The following SLC19A2 variants were observed in gnomAD, a reference collection of about 807,000 sequenced individuals.
SLC19A2 encodes solute carrier family 19 member 2, also known as thiamine transporter 1.
Under a neutral mutation model 44.7 loss-of-function variants are expected in SLC19A2, and 27 were observed. The ratio of observed to expected loss-of-function variants is 0.60; its 90% CI spans 0.45 to 0.83. The LOEUF is 0.83. Among genes scored for constraint, SLC19A2 ranks in the 40% least tolerant of loss-of-function variants. SLC19A2 has a pLI of 0.00. For synonymous variants in SLC19A2, 239 were observed against 243.6 expected, an observed-to-expected ratio of 0.98 and a Z score of 0.18; for missense variants, 566 against 613.7, an observed-to-expected ratio of 0.92 and a Z score of 0.82.
rs140548510 is a variant in SLC19A2 at position 169,471,675 on chromosome 1, CGT to C, written c.808-1491_808-1490del. Among the ~76,000 whole-genome samples, 40 of 131,930 alleles carry C rather than the reference CGT, an allele frequency of 3.0e-4. 1 individual carries two copies. Among genetic ancestry groups the C allele is most frequent in the East Asian group, 9.5e-4 (4 of 4,216 alleles). The allele number at this position is 131,930 out of a possible 152,430, so 86.6% of individuals were successfully genotyped here. A position where few individuals can be genotyped will look rare whatever the true frequency, so the allele number is the denominator to read the frequency against. ...GACAGACTCTGTCTCAAAAAACAAA[CGT>C]GTGTGTGTGTGTGTGTGTGTGTATA... On this transcript the variant is annotated intron_variant, in intron 2 of 5. Coordinates refer to ENST00000236137, the MANE Select transcript of SLC19A2 (RefSeq NM_006996.3).
Position 169,485,636 on chromosome 1 carries a change from G to A in SLC19A2, c.131C>T (p.Ala44Val). 6 of 1,561,662 alleles carry A rather than the reference G, an allele frequency of 3.8e-6. No individual in the cohort carries two copies. Among genetic ancestry groups the A allele is most frequent in the Non-Finnish European group, 5.2e-6 (6 of 1,153,436 alleles). Residue 44 changes from alanine (A) to valine (V), a missense_variant, in exon 1 of 6, where the codon GCC becomes GTC. Transcript: ENST00000236137. ...TALLCAYGFF[A>V]SLRPSEPFLT... ...GAAGGGCTCGGACGGCCTGAGGCTG[G>A]CGAAGAAGCCGTAGGCGCAGAGCAG... is the stretch of plus-strand genomic sequence containing the variant.
At chr1:169,468,463 G>T in intron 4 of SLC19A2, 181 bp downstream of exon 4, 3 of 682,924 alleles carry the variant, frequency 4.4e-6, no homozygotes, top group Non-Finnish European at 4.9e-6. Flanking sequence ...ACAAACATGG[G>T]AATAAACAAA....
chr1:169,485,745 A>ACACCGGGCCGGG lies in SLC19A2; in HGVS notation c.10_21dup (p.Pro4_Val7dup). 6.5e-7 allele frequency: 1 copy of ACACCGGGCCGGG among 1,535,748 alleles called. No homozygotes were observed. The highest frequency in any genetic ancestry group is 8.7e-7 in the Non-Finnish European group (1 of 1,145,148). ...GCCGCCGCCGCCGCCGCCCGCCGAG[A>ACACCGGGCCGGG]CACCGGGCCGGGCACATCCATCCGG... On this transcript the variant is annotated inframe_insertion, in exon 1 of 6. Coordinates refer to ENST00000236137, the MANE Select transcript of SLC19A2 (RefSeq NM_006996.3).
In SLC19A2 at chr1:169,485,916, A is replaced by C; in HGVS notation, c.-150T>G. ...ACTCGCCGCCGCCTCCGGCTACAGA[A>C]CCCCCAGCTTTACCCTACAGACGCC... is the stretch of plus-strand genomic sequence containing the variant. On this transcript the variant is annotated 5_prime_UTR_variant, in exon 1 of 6. Coordinates refer to ENST00000236137, the MANE Select transcript of SLC19A2 (RefSeq NM_006996.3). 1 of 940,244 alleles carries C rather than the reference A, an allele frequency of 1.1e-6. No individual in the cohort carries two copies. The highest frequency in any genetic ancestry group is 1.5e-6 in the Non-Finnish European group (1 of 647,528). 58.2% of individuals were successfully genotyped at this position (940,244 alleles called of 1,614,324 possible).
At position 169,465,731 on chromosome 1, in the gene SLC19A2, G is replaced by T; in HGVS notation, c.*118C>A. 3 of 1,093,922 alleles carry T rather than the reference G, an allele frequency of 2.7e-6. No individual in the cohort carries two copies. The highest frequency in any genetic ancestry group is 4.2e-6 in the Non-Finnish European group (3 of 721,956). The allele number at this position is 1,093,922 out of a possible 1,614,324, so 67.8% of individuals were successfully genotyped here. ...AACACAAGGTATTAGTCAAGTGGCT[G>T]CTGTGAAGTCAAGAAATGCACATTC... On this transcript the variant is annotated 3_prime_UTR_variant, in exon 6 of 6. Transcript: ENST00000236137.
chr1:169,465,827 G>T lies in SLC19A2; in HGVS notation c.*22C>A, dbSNP rs778887209. On this transcript the variant is annotated 3_prime_UTR_variant, in exon 6 of 6. Transcript: ENST00000236137. ...TTGCTGTGCAGAGTTCTTGCTATAA[G>T]AAGAAGCCCTTCAGCAGTATATTAT... 122 of 1,611,620 alleles carry T rather than the reference G, an allele frequency of 7.6e-5. No homozygotes were observed. Among genetic ancestry groups the T allele is most frequent in the Middle Eastern group, 4.9e-4 (3 of 6,078 alleles).
chr1:169,482,236 T>A (rs58330247), intron 1 of SLC19A2, among the ~76,000 whole-genome samples: 43 of 141,396 alleles, frequency 3.0e-4, no homozygotes, highest in East Asian at 8.6e-4. Context: ...TTAAAAAATT[T>A]AAAAAAAAAA....
At chr1:169,468,379 T>TTCCAACCAAATGAAAACATTC (rs1658086662) in intron 4 of SLC19A2, 127 bp from the exon 5 acceptor site, 3 of 840,776 alleles carry the variant, frequency 3.6e-6, no homozygotes, top group Non-Finnish European at 5.4e-6. Context: ...TCAATTGCCT[T>TTCCAACCAAATGAAAACATTC]TCCAACCAAA....
Position 169,470,103 on chromosome 1 carries a change from G to C in SLC19A2, c.891C>G (p.Cys297Trp). 6.2e-7 allele frequency: 1 copy of C among 1,614,066 alleles called. No individual in the cohort carries two copies. Among genetic ancestry groups the C allele is most frequent in the Non-Finnish European group, 8.5e-7 (1 of 1,179,968 alleles). Residue 297 changes from cysteine to tryptophan, a missense_variant, in exon 3 of 6, where the codon TGC becomes TGG. By Grantham distance (215) the Cys-to-Trp change is radical. Transcript: ENST00000236137. ...LMCYSSRPLLCWSVWWALSTC... is the reference protein window; with the variant it reads ...LMCYSSRPLLWWSVWWALSTC... ...TAGAGAGGGCCCACCACACAGACCA[G>C]CAGAGAAGAGGGCGAGAGGAGTAGC...
Position 169,465,713 on chromosome 1 carries a change from G to T in SLC19A2, c.*136C>A. 3 of 873,084 alleles carry T rather than the reference G, an allele frequency of 3.4e-6. No individual in the cohort carries two copies. Among genetic ancestry groups the T allele is most frequent in the Non-Finnish European group, 5.7e-6 (3 of 529,536 alleles). 54.1% of individuals were successfully genotyped at this position (873,084 alleles called of 1,614,324 possible). ...GTATCATGTTATTCCCGGAACACAAGGTATTAGTCAAGTGGCTGCTGTGAA... is the reference window on the plus strand; with the variant it reads ...GTATCATGTTATTCCCGGAACACAATGTATTAGTCAAGTGGCTGCTGTGAA... On this transcript the variant is annotated 3_prime_UTR_variant, in exon 6 of 6. Transcript: ENST00000236137.
At chr1:169,481,548 T>G (rs1658446082) in intron 1 of SLC19A2, among the ~76,000 whole-genome samples, 1 of 152,220 alleles carries the variant, frequency 6.6e-6, no homozygotes, top group African/African-American at 2.4e-5. Flanking sequence ...TCTTTTTCAG[T>G]GTTTCCAATG....
rs778310584 is a variant in SLC19A2 at position 169,469,964 on chromosome 1, C to A, written c.1030G>T (p.Gly344Cys). 5 of 1,613,216 alleles carry A rather than the reference C, an allele frequency of 3.1e-6. No homozygotes were observed. Among genetic ancestry groups the A allele is most frequent in the Non-Finnish European group, 2.5e-6 (3 of 1,179,614 alleles). Residue 344 changes from glycine (G) to cysteine (C), a missense_variant and splice_region_variant, in exon 3 of 6, where the codon GGT becomes TGT. By Grantham distance (159) the Gly-to-Cys change is radical (BLOSUM62 -3). Coordinates refer to ENST00000236137, the MANE Select transcript of SLC19A2 (RefSeq NM_006996.3). ...CCCTCTATTATCCTGCATTGCTTAC[C>A]CAGTAAGGTTGAAACGGCCTCCACG... ...GGVEAVSTLL[G>C]AVAVFAVGYI...
chr1:169,469,384 T>C lies in SLC19A2; in HGVS notation c.1031-548A>G, dbSNP rs145042461. 4.4e-3 allele frequency among the ~76,000 whole-genome samples: 677 copies of C among 152,164 alleles called. 4 individuals carry two copies. Among genetic ancestry groups the C allele is most frequent in the African/African-American group, 0.016 (656 of 41,538 alleles). On this transcript the variant is annotated intron_variant, in intron 3 of 5. Transcript: ENST00000236137. ...AGGTCAACAAATTAGAAATGAACAA[T>C]AGAGTAAGATGGTCAAATACACAGG...
chr1:169,483,287 T>C (rs77814655), intron 1 of SLC19A2, among the ~76,000 whole-genome samples: 2 of 152,352 alleles, frequency 1.3e-5, no homozygotes, highest in African/African-American at 4.8e-5. Context: ...GACTTAGCAT[T>C]AGCTTTGCTT....
At chr1:169,478,523 ATTTTTTTTTTTT>A (rs35141285) in intron 1 of SLC19A2, among the ~76,000 whole-genome samples, 4 of 66,638 alleles carry the variant, frequency 6.0e-5, no homozygotes, top group South Asian at 6.1e-4. Context: ...CAACCAGCTA[ATTTTTTTTTTTT>A]TTTTTTTTTT....
chr1:169,468,326 G>T, intron 4 of SLC19A2, 74 bp from the exon 5 acceptor site: 1 of 1,302,690 alleles, frequency 7.7e-7, no homozygotes. Context: ...CTAAATAAAA[G>T]TAAACATTTA....
At chr1:169,471,064 A>C (rs1370642279) in intron 2 of SLC19A2, among the ~76,000 whole-genome samples, 1 of 151,538 alleles carries the variant, frequency 6.6e-6, no homozygotes, top group African/African-American at 2.4e-5. Context: ...CTCTACCAAA[A>C]AAAAAAAAAA....
intron 5 of SLC19A2, 87 bp from the exon 6 acceptor site, chr1:169,466,064 C>G: frequency 6.5e-7 from 1 of 1,535,058 alleles, no homozygotes; most frequent in Non-Finnish European, 8.9e-7. Context: ...GTCCATAAAG[C>G]CTCAAAAAAT....
Position 169,468,107 on chromosome 1 carries a change from T to G in SLC19A2, c.1365+4A>C. 1 of 1,613,970 alleles carries G rather than the reference T, an allele frequency of 6.2e-7. No homozygotes were observed. Among genetic ancestry groups the G allele is most frequent in the Non-Finnish European group, 8.5e-7 (1 of 1,179,832 alleles). On this transcript the variant is annotated splice_donor_region_variant and intron_variant, in intron 5 of 5. Transcript: ENST00000236137. ...TACCTTCGATGCCAAAGGAGAGATC[T>G]TACCTGAGTGGTAATTTCTAATCCA...
Sources: gnomAD v4.1 joint callset for allele counts (sites outside exome capture counted in the v4.1 genomes callset) on GRCh38, gnomAD v4.1.1 for gene constraint, MANE v1.5 for transcripts, NCBI Gene and HGNC (gene_info 2026-07-23, HGNC 2026-07-21) for gene names.